The following DRC1 variants were observed in gnomAD, a reference collection of about 807,000 sequenced individuals.
DRC1 encodes the protein dynein regulatory complex subunit 1.
DRC1 carries 74 observed loss-of-function variants against 98.7 expected under a neutral mutation model. The ratio of observed to expected loss-of-function variants is 0.75; its 90% confidence interval spans 0.62 to 0.91. The LOEUF (loss-of-function observed/expected upper bound fraction) is 0.91. Among genes scored for constraint, DRC1 ranks in the 40% least tolerant of loss-of-function variants. The pLI, the probability that DRC1 is intolerant of heterozygous loss-of-function variation, is 0.00. For missense variants in DRC1, 875 were observed against 886.0 expected, an observed-to-expected ratio of 0.99 and a Z score of 0.16; for synonymous variants, 336 against 334.1, an observed-to-expected ratio of 1.01 and a Z score of -0.06.
chr2:26,404,168 T>A (rs1558430772), intron 1 of DRC1, among the ~76,000 whole-genome samples: 1 of 152,182 alleles, frequency 6.6e-6, no homozygotes, highest in African/African-American at 2.4e-5. Flanking sequence ...GGACTGGATC[T>A]GTCCCACAGG....
At chr2:26,430,489 G>A in intron 5 of DRC1, 1 of 524,224 alleles carries the variant, frequency 1.9e-6, no homozygotes, top group Non-Finnish European at 3.8e-6. Context: ...CCTGCCGTGT[G>A]ACTGCCAACA....
At position 26,448,708 on chromosome 2, in the gene DRC1, G is replaced by A. The variant is rs779468786; in HGVS notation, c.1414G>A (p.Glu472Lys). 2 of 1,614,118 alleles carry A rather than the reference G, an allele frequency of 1.2e-6. No homozygotes were observed. The highest frequency in any genetic ancestry group is 1.7e-5 in the Admixed American group (1 of 60,012). Residue 472 changes from glutamate to lysine, a missense_variant, in exon 11 of 17, where the codon GAG (glutamate) becomes AAG (lysine). Transcript: ENST00000288710. ...LMRSEEEEAE[E>K]AAAEPESYLD... ...AACTGCAGAAGAGGAGGAGGCAGAA[G>A]AGGCCGCCGCGGAACCAGAGTCCTA...
At chr2:26,455,101 T>C in intron 15 of DRC1, 30 bp from the exon 16 acceptor site, 1 of 1,612,362 alleles carries the variant, frequency 6.2e-7, no homozygotes. Flanking sequence ...GAGGATTCAG[T>C]GAGCCTCTAA....
At chr2:26,424,511 G>A (rs1374382169) in intron 4 of DRC1, 57 bp downstream of exon 4, 24 of 1,523,766 alleles carry the variant, frequency 1.6e-5, no homozygotes, top group Non-Finnish European at 1.9e-5. Flanking sequence ...GATTTAGCTG[G>A]GTTACTGGTT....
intron 10 of DRC1, among the ~76,000 whole-genome samples, chr2:26,447,015 G>A (rs1487358153): frequency 4.0e-5 from 6 of 151,874 alleles, no homozygotes; most frequent in African/African-American, 2.4e-5. Flanking sequence ...GCTTGAACCC[G>A]GGAGGTGGAG....
At chr2:26,427,547 A>G (rs181923106) in intron 4 of DRC1, among the ~76,000 whole-genome samples, 5 of 152,298 alleles carry the variant, frequency 3.3e-5, no homozygotes, top group African/African-American at 1.2e-4. Context: ...CATCACTTCA[A>G]GCATGTATCA....
At chr2:26,414,253 A>T in intron 1 of DRC1, 91 bp from the exon 2 acceptor site, 1 of 1,297,696 alleles carries the variant, frequency 7.7e-7, no homozygotes, top group Non-Finnish European at 1.1e-6. Flanking sequence ...TTGGGATTAC[A>T]GGCATGAGCT....
intron 2 of DRC1, among the ~76,000 whole-genome samples, chr2:26,416,739 C>T (rs777959927): frequency 8.5e-5 from 13 of 152,120 alleles, no homozygotes; most frequent in Non-Finnish European, 1.5e-4. Context: ...TGTGTGAGTT[C>T]GTTTCTACAT....
intron 7 of DRC1, among the ~76,000 whole-genome samples, chr2:26,435,480 C>T (rs1032709147): frequency 6.6e-6 from 1 of 152,128 alleles, no homozygotes; most frequent in Non-Finnish European, 1.5e-5. Context: ...GGGTAAACTG[C>T]ACGTCATAGG....
intron 2 of DRC1, among the ~76,000 whole-genome samples, chr2:26,417,163 A>T (rs184514796): frequency 7.9e-4 from 121 of 152,232 alleles, no homozygotes; most frequent in Admixed American, 2.7e-3. Context: ...TCAACATAAG[A>T]TTTGGGCAGG....
chr2:26,448,713 C>T lies in DRC1; in HGVS notation c.1419C>T (p.Ala473=), dbSNP rs201555757. ...MRSEEEEAEE[A]AAEPESYLDL... is the part of the protein sequence containing the mutation. ...CAGAAGAGGAGGAGGCAGAAGAGGC[C>T]GCCGCGGAACCAGAGTCCTACCTGG... The change falls in exon 11 of 17, where the codon GCC becomes GCT. Residue 473 remains alanine (A), a synonymous_variant. Coordinates refer to ENST00000288710, the MANE Select transcript of DRC1 (RefSeq NM_145038.5). The T allele has an allele frequency of 1.7e-5, 27 of 1,614,166 alleles. No individual in the cohort carries two copies. Among genetic ancestry groups the T allele is most frequent in the African/African-American group, 5.3e-5 (4 of 75,050 alleles).
chr2:26,433,385 G>A (rs1663488776), intron 7 of DRC1, among the ~76,000 whole-genome samples: 1 of 152,098 alleles, frequency 6.6e-6, no homozygotes, highest in African/African-American at 2.4e-5. Flanking sequence ...ACCCCATTGG[G>A]TTACAAATAT....
intron 7 of DRC1, 31 bp from the exon 8 acceptor site, chr2:26,440,335 GTGTGTGTGTGTA>G (rs1365190139): frequency 1.3e-6 from 2 of 1,525,076 alleles, no homozygotes; most frequent in East Asian, 2.5e-5. Flanking sequence ...GTGTGTGTGT[GTGTGTGTGTGTA>G]TATATATATA....
At chr2:26,442,292 C>G (rs182728578) in intron 8 of DRC1, among the ~76,000 whole-genome samples, 2 of 152,134 alleles carry the variant, frequency 1.3e-5, no homozygotes, top group African/African-American at 4.8e-5. Flanking sequence ...ACATTCAAGC[C>G]GTAGCAACCT....
chr2:26,409,586 G>C (rs959856113), intron 1 of DRC1, among the ~76,000 whole-genome samples: 1 of 151,986 alleles, frequency 6.6e-6, no homozygotes, highest in Non-Finnish European at 1.5e-5. Flanking sequence ...TTAGGTCTTT[G>C]GTACATCTCA....
rs1172378637 is a variant in DRC1, at chr2:26,455,072, C to G, written c.2064-59C>G. 4 of 1,578,882 alleles carry G rather than the reference C, an allele frequency of 2.5e-6. No individual in the cohort carries two copies. The African/African-American group carries it at 4.0e-5, about 16-fold the overall frequency. On this transcript the variant is annotated intron_variant, in intron 15 of 16. Transcript: ENST00000288710. ...AAAGTACAACCACCAAGACCCTGGC[C>G]CCTACTTGGCAGAGGATGGAGGATT...
At chr2:26,403,290 C>G (rs1193534325) in intron 1 of DRC1, among the ~76,000 whole-genome samples, 1 of 152,170 alleles carries the variant, frequency 6.6e-6, no homozygotes, top group Admixed American at 6.5e-5. Context: ...ATCACTTGAA[C>G]TCCATTGTTT....
chr2:26,429,194 T>G (rs534403837), intron 4 of DRC1, among the ~76,000 whole-genome samples: 1,962 of 17,968 alleles, frequency 0.11, 31 homozygotes, highest in Middle Eastern at 0.39. Context: ...TGATTATTAT[T>G]ATTATTATTA....
rs766818841 is a variant in DRC1 at position 26,455,111 on chromosome 2, A to T, written c.2064-20A>T. ...GGATGGAGGATTCAGTGAGCCTCTA[A>T]CCGATTTTTCTGTCCAAAGCCTTGT... On this transcript the variant is annotated intron_variant, in intron 15 of 16. Coordinates refer to ENST00000288710, the MANE Select transcript of DRC1 (RefSeq NM_145038.5). 3 of 1,613,590 alleles carry T rather than the reference A, an allele frequency of 1.9e-6. No individual in the cohort carries two copies. The African/African-American group carries it at 4.0e-5, about 22-fold the overall frequency.
Sources: gnomAD v4.1 joint callset for allele counts (sites outside exome capture counted in the v4.1 genomes callset) on GRCh38, gnomAD v4.1.1 for gene constraint, MANE v1.5 for transcripts, NCBI Gene and HGNC (gene_info 2026-07-23, HGNC 2026-07-21) for gene names.